The following ASIC2 variants were observed in gnomAD, a reference collection of about 807,000 sequenced individuals.
The protein encoded by ASIC2 is acid sensing ion channel subunit 2.
Under a neutral mutation model 57.3 loss-of-function variants are expected in ASIC2, and 25 were observed. The observed-to-expected ratio is 0.44, with a 90% CI of 0.32 to 0.61. ASIC2 has a LOEUF of 0.61. ASIC2 is among the 20% of genes least tolerant of loss of function. The pLI is 0.06. For missense variants in ASIC2, 641 were observed against 738.1 expected (o/e 0.87, Z 1.52); for synonymous variants, 319 against 307.5 (o/e 1.04, Z -0.39).
At chr17:33,729,598 G>C (rs1409738734) in intron 1 of ASIC2, among the ~76,000 whole-genome samples, 1 of 152,172 alleles carries the variant, frequency 6.6e-6, no homozygotes, top group Non-Finnish European at 1.5e-5. Context: ...AGATTCTAGA[G>C]GGCTGAATTT....
intron 1 of ASIC2, among the ~76,000 whole-genome samples, chr17:33,706,362 G>A (rs955339466): frequency 6.6e-6 from 1 of 151,666 alleles, no homozygotes; most frequent in Non-Finnish European, 1.5e-5. Context: ...TGGGACTGCA[G>A]GTATGTGCCA....
chr17:33,049,858 C>A (rs2091968446), intron 3 of ASIC2, among the ~76,000 whole-genome samples: 1 of 152,114 alleles, frequency 6.6e-6, no homozygotes, highest in Non-Finnish European at 1.5e-5. Flanking sequence ...AAGAGAAATC[C>A]CCCATGCCCC....
At chr17:33,342,757 T>G (rs1207777754) in intron 1 of ASIC2, among the ~76,000 whole-genome samples, 1 of 152,312 alleles carries the variant, frequency 6.6e-6, no homozygotes, top group East Asian at 1.9e-4. Context: ...GCAGAGTTTC[T>G]GGGCAAAGCT....
intron 1 of ASIC2, among the ~76,000 whole-genome samples, chr17:33,563,403 C>A (rs1007884237): frequency 2.0e-5 from 3 of 152,212 alleles, no homozygotes; most frequent in Non-Finnish European, 4.4e-5. Context: ...TAAATCCACG[C>A]TTCCTCATTC....
At chr17:33,323,068 T>G (rs189062409) in intron 1 of ASIC2, among the ~76,000 whole-genome samples, 1 of 152,144 alleles carries the variant, frequency 6.6e-6, no homozygotes, top group Non-Finnish European at 1.5e-5. Flanking sequence ...ATAACTGAAC[T>G]CTCACATGCT....
chr17:33,517,315 C>T (rs1214418716), intron 1 of ASIC2, among the ~76,000 whole-genome samples: 1 of 152,142 alleles, frequency 6.6e-6, no homozygotes, highest in Non-Finnish European at 1.5e-5. Context: ...GGAGTTTCAC[C>T]ATGTTGGCCA....
At chr17:33,258,821 C>T (rs1909176072) in intron 1 of ASIC2, among the ~76,000 whole-genome samples, 2 of 152,214 alleles carry the variant, frequency 1.3e-5, no homozygotes, top group African/African-American at 4.8e-5. Context: ...GGGATTTGAA[C>T]CCAAGACCAT....
intron 1 of ASIC2, among the ~76,000 whole-genome samples, chr17:33,501,076 G>A (rs945117968): frequency 1.3e-5 from 2 of 152,236 alleles, no homozygotes; most frequent in South Asian, 2.1e-4. Context: ...GACCATGGGT[G>A]GCATCTGAAT....
At chr17:33,606,260 G>A (rs1905230500) in intron 1 of ASIC2, among the ~76,000 whole-genome samples, 1 of 152,206 alleles carries the variant, frequency 6.6e-6, no homozygotes, top group Non-Finnish European at 1.5e-5. Flanking sequence ...GGGAGCAGCA[G>A]TTTCCAATTT....
chr17:33,361,468 G>A (rs531195283), intron 1 of ASIC2, among the ~76,000 whole-genome samples: 1 of 152,258 alleles, frequency 6.6e-6, no homozygotes, highest in African/African-American at 2.4e-5. Context: ...TAGCTCCATT[G>A]GTACACAGAA....
intron 1 of ASIC2, among the ~76,000 whole-genome samples, chr17:33,851,707 C>T (rs577640319): frequency 2.2e-4 from 33 of 152,278 alleles, no homozygotes; most frequent in African/African-American, 7.2e-4. Flanking sequence ...ACCCTCTAGA[C>T]GCCAGTAGTA....
intron 1 of ASIC2, among the ~76,000 whole-genome samples, chr17:33,595,892 T>C (rs904593234): frequency 6.6e-6 from 1 of 152,238 alleles, no homozygotes; most frequent in Non-Finnish European, 1.5e-5. Context: ...TTGCCTTCTC[T>C]GGGCTCTACT....
chr17:33,225,802 G>C (rs1272690184), intron 1 of ASIC2, among the ~76,000 whole-genome samples: 1 of 152,242 alleles, frequency 6.6e-6, no homozygotes. Flanking sequence ...GCCAGGAAAG[G>C]TGAGGAGATA....
intron 1 of ASIC2, among the ~76,000 whole-genome samples, chr17:33,971,690 A>T (rs1905233296): frequency 6.6e-6 from 1 of 152,212 alleles, no homozygotes; most frequent in African/African-American, 2.4e-5. Context: ...TACCTATTTC[A>T]TCTGTATTTG....
At chr17:33,768,312 C>T (rs376219695) in intron 1 of ASIC2, among the ~76,000 whole-genome samples, 2 of 152,232 alleles carry the variant, frequency 1.3e-5, no homozygotes, top group South Asian at 2.1e-4. Context: ...AGCCCATATA[C>T]ATTTTTTTAA....
chr17:34,090,129 A>G (rs1910271285), intron 1 of ASIC2, among the ~76,000 whole-genome samples: 1 of 152,208 alleles, frequency 6.6e-6, no homozygotes, highest in South Asian at 2.1e-4. Flanking sequence ...ATTCAATGAG[A>G]GCTCTACTGA....
chr17:34,012,404 T>C (rs987227553), intron 1 of ASIC2, among the ~76,000 whole-genome samples: 2 of 152,216 alleles, frequency 1.3e-5, no homozygotes, highest in Non-Finnish European at 2.9e-5. Flanking sequence ...CCACGGATTT[T>C]CCAGACTATT....
intron 1 of ASIC2, among the ~76,000 whole-genome samples, chr17:34,102,185 C>A (rs1458654962): frequency 2.0e-5 from 3 of 151,970 alleles, no homozygotes; most frequent in Admixed American, 6.6e-5. Flanking sequence ...CAAAAATTAA[C>A]CGGGTGTGGT....
intron 1 of ASIC2, among the ~76,000 whole-genome samples, chr17:34,008,865 T>C (rs1906617438): frequency 6.6e-6 from 1 of 152,198 alleles, no homozygotes; most frequent in South Asian, 2.1e-4. Flanking sequence ...TTTTCAAAAA[T>C]GAAAAGTCTA....
Sources: gnomAD v4.1 joint callset for allele counts (sites outside exome capture counted in the v4.1 genomes callset) on GRCh38, gnomAD v4.1.1 for gene constraint, MANE v1.5 for transcripts, NCBI Gene and HGNC (gene_info 2026-07-23, HGNC 2026-07-21) for gene names.